FGD4: variants seen among roughly 807,000 people sequenced by gnomAD.
FGD4 encodes the protein FYVE, RhoGEF and PH domain-containing protein 4.
In FGD4, 42 loss-of-function variants were observed where a neutral mutation model predicts 102.0. The observed-to-expected ratio is 0.41, with a 90% CI of 0.32 to 0.53. The LOEUF is 0.53. Among genes scored for constraint, FGD4 ranks in the 20% least tolerant of loss-of-function variants. FGD4 has a pLI of 0.21. For synonymous variants in FGD4, 380 were observed against 375.7 expected (o/e 1.01, Z -0.13); for missense variants, 902 against 1,078.2 (o/e 0.84, Z 2.29).
At chr12:32,556,721 G>C (rs969022419) in intron 1 of FGD4, among the ~76,000 whole-genome samples, 2 of 152,142 alleles carry the variant, frequency 1.3e-5, no homozygotes, top group East Asian at 3.9e-4. Context: ...AGCTGCACAT[G>C]GTGGTGGGCG....
At chr12:32,459,190 T>G (rs1041703653) in intron 1 of FGD4, among the ~76,000 whole-genome samples, 13 of 49,420 alleles carry the variant, frequency 2.6e-4, no homozygotes, top group African/African-American at 6.0e-5. Flanking sequence ...TTGACACTGC[T>G]TTTTTTTTTT....
intron 1 of FGD4, among the ~76,000 whole-genome samples, chr12:32,445,832 G>A (rs1942595458): frequency 6.6e-6 from 1 of 152,110 alleles, no homozygotes; most frequent in Non-Finnish European, 1.5e-5. Context: ...TCCAAAGACT[G>A]GAATTTTATT....
chr12:32,620,959 G>A (rs985337020), intron 11 of FGD4, among the ~76,000 whole-genome samples: 1 of 150,764 alleles, frequency 6.6e-6, no homozygotes. Context: ...CACCACACCC[G>A]GCCCATAACC....
rs1467024854 is a variant in FGD4 at position 32,582,482 on chromosome 12, T to C, written c.1011+15T>C. ...ATGAGATGAAGGTAGAGCATGAGAC[T>C]AGCTCATGAGCAGGGAAAACCCTGC... On this transcript the variant is annotated intron_variant, in intron 4 of 16. Transcript: ENST00000534526. The C allele has an allele frequency of 6.2e-7, 1 of 1,606,740 alleles. No homozygotes were observed. The highest frequency in any genetic ancestry group is 8.5e-7 in the Non-Finnish European group (1 of 1,179,964).
rs1942338851 is a variant in FGD4, at chr12:32,439,096, A to G, written c.166+39137A>G. On this transcript the variant is annotated intron_variant, in intron 1 of 16. Transcript: ENST00000534526. ...TCTTCCTATCCAACTGAAATTTTGT[A>G]TCCTTTGACCAAACATTTCCCCAAA... Among the ~76,000 whole-genome samples, 3 of 152,122 alleles carry G rather than the reference A, an allele frequency of 2.0e-5. No individual in the cohort carries two copies. In the South Asian group the frequency reaches 6.2e-4, roughly 32 times the overall value.
intron 2 of FGD4, among the ~76,000 whole-genome samples, chr12:32,571,659 G>A (rs1945676012): frequency 6.6e-6 from 1 of 152,142 alleles, no homozygotes; most frequent in South Asian, 2.1e-4. Context: ...GGCAGGGTAG[G>A]AGGGCAAGAG....
intron 1 of FGD4, among the ~76,000 whole-genome samples, chr12:32,518,049 A>C (rs916162429): frequency 2.1e-5 from 3 of 146,166 alleles, no homozygotes; most frequent in African/African-American, 7.6e-5. Flanking sequence ...TAGCATATTT[A>C]TGTCAGCTTT....
chr12:32,434,151 G>C (rs567880155), intron 1 of FGD4, among the ~76,000 whole-genome samples: 6 of 152,302 alleles, frequency 3.9e-5, no homozygotes, highest in African/African-American at 1.4e-4. Context: ...ACTGTGCCCG[G>C]CCTGATAATA....
intron 1 of FGD4, among the ~76,000 whole-genome samples, chr12:32,513,489 T>G (rs1939590916): frequency 1.3e-5 from 2 of 152,110 alleles, no homozygotes; most frequent in African/African-American, 4.8e-5. Flanking sequence ...TTTATACATT[T>G]TGGGAAGATG....
chr12:32,422,268 G>A (rs1380900379), intron 1 of FGD4, among the ~76,000 whole-genome samples: 5 of 100,642 alleles, frequency 5.0e-5, no homozygotes, highest in Non-Finnish European at 9.8e-5. Context: ...TCACATTGAA[G>A]CATCTCAAAT....
chr12:32,459,706 T>C (rs1020757509), intron 1 of FGD4, among the ~76,000 whole-genome samples: 1 of 152,064 alleles, frequency 6.6e-6, no homozygotes, highest in Non-Finnish European at 1.5e-5. Flanking sequence ...CTTTTTTTTT[T>C]TTCTAAATTT....
At chr12:32,486,923 T>G (rs1177428353) in intron 1 of FGD4, among the ~76,000 whole-genome samples, 3 of 152,164 alleles carry the variant, frequency 2.0e-5, no homozygotes, top group Non-Finnish European at 4.4e-5. Flanking sequence ...CATTTTGAGG[T>G]GTTTTTCCTC....
intron 1 of FGD4, among the ~76,000 whole-genome samples, chr12:32,541,010 G>A (rs774629016): frequency 2.0e-5 from 3 of 152,134 alleles, no homozygotes; most frequent in Non-Finnish European, 4.4e-5. Context: ...ATTTGTAGGA[G>A]AAAAATTGTA....
intron 2 of FGD4, 120 bp from the exon 3 acceptor site, chr12:32,576,145 AC>A: frequency 1.0e-6 from 1 of 981,272 alleles, no homozygotes; most frequent in Non-Finnish European, 1.5e-6. Flanking sequence ...TCAAAATTTG[AC>A]ACCTGCCCCC....
At chr12:32,529,272 G>A (rs1287136616) in intron 1 of FGD4, among the ~76,000 whole-genome samples, 3 of 151,780 alleles carry the variant, frequency 2.0e-5, no homozygotes, top group South Asian at 2.1e-4. Context: ...GCACCACCAC[G>A]CGCACCACCA....
rs764590230 is a variant in FGD4 at position 32,399,912 on chromosome 12, G to C, written c.119G>C (p.Arg40Pro). The C allele has an allele frequency of 2.3e-4, 353 of 1,521,750 alleles. No homozygotes were observed. Among genetic ancestry groups the C allele is most frequent in the Non-Finnish European group, 3.7e-5 (42 of 1,141,098 alleles). The allele number at this position is 1,521,750 out of a possible 1,614,324, so 94.3% of individuals were successfully genotyped here. A position where few individuals can be genotyped will look rare whatever the true frequency, so the allele number is the denominator to read the frequency against. Residue 40 changes from arginine (R) to proline (P), a missense_variant, in exon 1 of 17, where the codon CGT becomes CCT. Physicochemically the swap from Arg to Pro is moderately radical, Grantham distance 103. Around this residue, in one of 2 missense-constraint regions of FGD4, gnomAD observed 443 missense variants for 459.2 expected, o/e 0.96. Transcript: ENST00000534526. ...AGCAGGCCCGCGTCGCACCTGGGACGTGTAGGGACCGCTGCCTTCAAGGGC... is the reference window on the plus strand; with the variant it reads ...AGCAGGCCCGCGTCGCACCTGGGACCTGTAGGGACCGCTGCCTTCAAGGGC... ...PWSRPASHLG[R>P]VGTAAFKGQV...
At position 32,445,964 on chromosome 12, in the gene FGD4, C is replaced by T. The variant is rs568554329; in HGVS notation, c.166+46005C>T. Among the ~76,000 whole-genome samples the T allele has an allele frequency of 9.0e-4, 137 of 152,220 alleles. 2 individuals carry two copies. In the South Asian group the frequency reaches 0.027, roughly 30 times the overall value. On this transcript the variant is annotated intron_variant, in intron 1 of 16. Coordinates refer to ENST00000534526, the MANE Select transcript of FGD4 (RefSeq NM_001370298.3). ...GGCAGATTGTTTAAGTCCAGGACTT[C>T]GAGACCAGCCTTGGCAACTGGAGAA...
chr12:32,399,877 C>T lies in FGD4; in HGVS notation c.84C>T (p.Pro28=), dbSNP rs1044055675. 1.4e-5 allele frequency: 21 copies of T among 1,531,194 alleles called. No homozygotes were observed. The African/African-American group carries it at 2.5e-4, about 18-fold the overall frequency. 94.9% of individuals were successfully genotyped at this position (1,531,194 alleles called of 1,614,324 possible). A position where few individuals can be genotyped will look rare whatever the true frequency, so the allele number is the denominator to read the frequency against. The change falls in exon 1 of 17, where the codon CCC becomes CCT. Residue 28 remains proline (P), a synonymous_variant. Coordinates refer to ENST00000534526, the MANE Select transcript of FGD4 (RefSeq NM_001370298.3). The part of the protein sequence containing the change: ...SNPSYLPPGV[P]RPWSRPASHL... ...CCTCCTACCTGCCGCCCGGGGTGCC[C>T]CGGCCCTGGAGCAGGCCCGCGTCGC...
intron 1 of FGD4, among the ~76,000 whole-genome samples, chr12:32,531,317 A>T (rs1318375062): frequency 1.3e-5 from 2 of 152,094 alleles, no homozygotes; most frequent in Admixed American, 6.6e-5. Flanking sequence ...TTAAAAGATA[A>T]TTTACATACA....
Sources: allele counts gnomAD v4.1 joint callset (sites outside exome capture counted in the v4.1 genomes callset), GRCh38; gene constraint gnomAD v4.1.1; regional missense constraint gnomAD v4.1.1; transcripts MANE v1.5; gene names NCBI Gene and HGNC (gene_info 2026-07-23, HGNC 2026-07-21).